GALNTL6: variants seen among roughly 807,000 people sequenced by gnomAD.
GALNTL6 encodes polypeptide N-acetylgalactosaminyltransferase like 6.
Under a neutral mutation model 73.7 loss-of-function variants are expected in GALNTL6, and 46 were observed. The ratio of observed to expected loss-of-function variants is 0.62; its 90% CI spans 0.49 to 0.80. The LOEUF (loss-of-function observed/expected upper bound fraction) is 0.80. Among genes scored for constraint, GALNTL6 ranks in the 30% least tolerant of loss-of-function variants. GALNTL6 has a pLI of 0.00. For missense variants in GALNTL6, 604 were observed against 755.0 expected (o/e 0.80, Z 2.34); for synonymous variants, 259 against 263.7 (o/e 0.98, Z 0.17).
intron 10 of GALNTL6, among the ~76,000 whole-genome samples, chr4:172,996,831 C>T (rs983067985): frequency 9.0e-6 from 1 of 110,888 alleles, no homozygotes; most frequent in Admixed American, 1.1e-4. Flanking sequence ...CATTTTCTAA[C>T]TTTTCCTTTC....
chr4:172,728,604 T>C (rs1735969309), intron 5 of GALNTL6, among the ~76,000 whole-genome samples: 1 of 152,172 alleles, frequency 6.6e-6, no homozygotes, highest in South Asian at 2.1e-4. Context: ...GTTGATTCCA[T>C]ATTTTGGCTA....
chr4:172,661,452 C>A (rs1223385920), intron 5 of GALNTL6, among the ~76,000 whole-genome samples: 1 of 152,154 alleles, frequency 6.6e-6, no homozygotes, highest in Non-Finnish European at 1.5e-5. Flanking sequence ...AGAACACTGG[C>A]TAACACGGTG....
intron 2 of GALNTL6, among the ~76,000 whole-genome samples, chr4:172,007,084 T>C (rs1347937962): frequency 6.6e-6 from 1 of 152,134 alleles, no homozygotes; most frequent in Non-Finnish European, 1.5e-5. Flanking sequence ...GATAAATAAA[T>C]TGCCACTGTG....
chr4:172,170,508 GTTTT>G (rs1197633372), intron 2 of GALNTL6, among the ~76,000 whole-genome samples: 2 of 120,066 alleles, frequency 1.7e-5, no homozygotes, highest in Admixed American at 9.0e-5. Flanking sequence ...TTCTTTGGTG[GTTTT>G]TTTTTTTTTT....
chr4:171,980,946 A>G (rs1739879062), intron 2 of GALNTL6, among the ~76,000 whole-genome samples: 1 of 152,226 alleles, frequency 6.6e-6, no homozygotes. Flanking sequence ...CCAACTATGT[A>G]ACTTTTTGGA....
At chr4:172,645,416 T>A (rs1740195740) in intron 5 of GALNTL6, among the ~76,000 whole-genome samples, 1 of 152,012 alleles carries the variant, frequency 6.6e-6, no homozygotes, top group African/African-American at 2.4e-5. Flanking sequence ...CACAAATTTA[T>A]CTAATTGATC....
At position 172,056,143 on chromosome 4, in the gene GALNTL6, CTT is replaced by C. The variant is rs575516720; in HGVS notation, c.139-173512_139-173511del. Among the ~76,000 whole-genome samples, 10 of 152,178 alleles carry C rather than the reference CTT, an allele frequency of 6.6e-5. No individual in the cohort carries two copies. The South Asian group carries it at 1.0e-3, about 16-fold the overall frequency. ...AACAGATTGACTTAAAATTCTGACA[CTT>C]AACGAAAAAAATGCTGCCATTTAGC... On this transcript the variant is annotated intron_variant, in intron 2 of 12. Transcript: ENST00000506823.
chr4:172,919,361 C>A (rs573083098), intron 8 of GALNTL6, among the ~76,000 whole-genome samples: 3 of 152,280 alleles, frequency 2.0e-5, no homozygotes, highest in Non-Finnish European at 4.4e-5. Context: ...CACGGACTCC[C>A]CTCCTGCCCC....
intron 8 of GALNTL6, among the ~76,000 whole-genome samples, chr4:172,930,856 G>C (rs1433825050): frequency 6.6e-6 from 1 of 152,080 alleles, no homozygotes; most frequent in Non-Finnish European, 1.5e-5. Context: ...GTAGAAATGT[G>C]GTTTCGTCAT....
At chr4:172,958,910 T>C (rs1285218955) in intron 10 of GALNTL6, among the ~76,000 whole-genome samples, 4 of 152,132 alleles carry the variant, frequency 2.6e-5, no homozygotes, top group Non-Finnish European at 4.4e-5. Context: ...GGAGAGCATA[T>C]GGGGTTGGCA....
At chr4:172,340,073 G>C (rs1278841438) in intron 4 of GALNTL6, among the ~76,000 whole-genome samples, 2 of 152,100 alleles carry the variant, frequency 1.3e-5, no homozygotes, top group African/African-American at 4.8e-5. Context: ...TCTTGTTCCT[G>C]ATCTTAGAGG....
chr4:172,297,345 A>G (rs1268134974), intron 3 of GALNTL6, among the ~76,000 whole-genome samples: 2 of 152,012 alleles, frequency 1.3e-5, no homozygotes, highest in Non-Finnish European at 1.5e-5. Context: ...GCTGTGCAGA[A>G]GCTCTTTAGT....
intron 2 of GALNTL6, among the ~76,000 whole-genome samples, chr4:172,137,106 G>A (rs1026553443): frequency 2.0e-5 from 3 of 152,050 alleles, no homozygotes; most frequent in Non-Finnish European, 2.9e-5. Context: ...TTTAGTCTTA[G>A]AGACTAGAAT....
intron 2 of GALNTL6, among the ~76,000 whole-genome samples, chr4:171,901,554 C>A (rs185328338): frequency 1.6e-3 from 245 of 152,306 alleles, no homozygotes; most frequent in Non-Finnish European, 2.7e-3. Context: ...TGGAGGTGGG[C>A]AGGAGGCATC....
chr4:172,834,026 A>T (rs1742777619), intron 7 of GALNTL6, among the ~76,000 whole-genome samples: 1 of 152,206 alleles, frequency 6.6e-6, no homozygotes, highest in Admixed American at 6.5e-5. Context: ...CTGAGACGGG[A>T]GAAATGCTTG....
In GALNTL6 at chr4:172,651,621, A is replaced by G. The variant is rs117603873; in HGVS notation, c.554-157740A>G. Among the ~76,000 whole-genome samples the G allele has an allele frequency of 1.8e-3, 275 of 152,334 alleles. 9 individuals are homozygous for G. In the East Asian group the frequency reaches 0.043, roughly 24 times the overall value. On this transcript the variant is annotated intron_variant, in intron 5 of 12. Transcript: ENST00000506823. ...AAAATAGTACCTTATTTCATCATAT[A>G]TAACAAACCATACATTGTAAGTTGT...
chr4:172,424,018 G>A (rs75030523), intron 5 of GALNTL6, among the ~76,000 whole-genome samples: 4 of 151,880 alleles, frequency 2.6e-5, no homozygotes, highest in African/African-American at 4.8e-5. Context: ...CATATTTAAT[G>A]TATACAAAAA....
At chr4:172,456,598 A>G (rs536908092) in intron 5 of GALNTL6, among the ~76,000 whole-genome samples, 42 of 151,998 alleles carry the variant, frequency 2.8e-4, no homozygotes, top group African/African-American at 9.9e-4. Context: ...AAGAAAGGAT[A>G]TCAGAGATTG....
At chr4:172,103,565 A>G (rs532638838) in intron 2 of GALNTL6, among the ~76,000 whole-genome samples, 1 of 152,180 alleles carries the variant, frequency 6.6e-6, no homozygotes, top group Admixed American at 6.5e-5. Flanking sequence ...TATACACACA[A>G]TCTATCTGTA....
Sources: allele counts gnomAD v4.1 joint callset (sites outside exome capture counted in the v4.1 genomes callset), GRCh38; gene constraint gnomAD v4.1.1; transcripts MANE v1.5; gene names NCBI Gene and HGNC (gene_info 2026-07-23, HGNC 2026-07-21).